The following ATF6 variants were observed in gnomAD, a reference collection of about 807,000 sequenced individuals.
ATF6 encodes cyclic AMP-dependent transcription factor ATF-6 alpha.
In ATF6, 53 loss-of-function variants were observed where a neutral mutation model predicts 83.6. That is an observed-to-expected ratio of 0.63 (90% CI 0.51 to 0.80). The LOEUF is 0.80. Among genes scored for constraint, ATF6 ranks in the 30% least tolerant of loss-of-function variants. The probability of loss-of-function intolerance (pLI) is 0.00; values close to 1 mark genes in which losing one functional copy is unlikely to be tolerated. For missense variants in ATF6, 744 were observed against 797.9 expected (o/e 0.93, Z 0.81); for synonymous variants, 288 against 285.8 (o/e 1.01, Z -0.08).
intron 4 of ATF6, among the ~76,000 whole-genome samples, chr1:161,785,517 G>GTTTC (rs1350731960): frequency 6.6e-6 from 1 of 152,038 alleles, no homozygotes; most frequent in Admixed American, 6.5e-5. Flanking sequence ...GCTACATAAT[G>GTTTC]TTTCATTGCA....
chr1:161,781,891 T>C (rs886878754), intron 2 of ATF6, 21 bp from the exon 3 acceptor site: 1 of 1,484,444 alleles, frequency 6.7e-7, no homozygotes, highest in Non-Finnish European at 9.3e-7. Flanking sequence ...TAATATTCTT[T>C]TGCTGATTTG....
At chr1:161,939,842 T>A (rs546583089) in intron 15 of ATF6, among the ~76,000 whole-genome samples, 1 of 152,216 alleles carries the variant, frequency 6.6e-6, no homozygotes, top group African/African-American at 2.4e-5. Flanking sequence ...TTAGGAAATA[T>A]AGTCTTTAGG....
At position 161,784,083 on chromosome 1, in the gene ATF6, C is replaced by A; in HGVS notation, c.341C>A (p.Thr114Asn). The part of the protein sequence containing the change: ...SPRSVDSYSS[T>N]QHVPEELDLS... ...CGGTCAGTGGACTCTTATTCTTCAA[C>A]TCAGCATGTTCCTGTGAGTAGCCAG... The change falls in exon 4 of 16, where the codon ACT becomes AAT. Residue 114 changes from threonine (T) to asparagine (N), a missense_variant. Coordinates refer to ENST00000367942, the MANE Select transcript of ATF6 (RefSeq NM_007348.4). 1 of 1,611,132 alleles carries A rather than the reference C, an allele frequency of 6.2e-7. No homozygotes were observed. The highest frequency in any genetic ancestry group is 8.5e-7 in the Non-Finnish European group (1 of 1,177,608).
intron 14 of ATF6, among the ~76,000 whole-genome samples, chr1:161,906,115 G>A (rs1558019420): frequency 6.6e-6 from 1 of 152,200 alleles, no homozygotes; most frequent in Admixed American, 6.5e-5. Flanking sequence ...TTATAGGCGT[G>A]AGCCACTGCG....
chr1:161,943,181 C>G (rs1392203798), intron 15 of ATF6, among the ~76,000 whole-genome samples: 1 of 152,092 alleles, frequency 6.6e-6, no homozygotes, highest in African/African-American at 2.4e-5. Flanking sequence ...ATTATAATTC[C>G]CACATGTCAA....
intron 7 of ATF6, among the ~76,000 whole-genome samples, chr1:161,808,715 C>A (rs1685365891): frequency 6.6e-6 from 1 of 151,678 alleles, no homozygotes; most frequent in Admixed American, 6.6e-5. Flanking sequence ...TAGATGTGTG[C>A]CACCTGGCTA....
At chr1:161,944,960 T>C (rs1366406594) in intron 15 of ATF6, among the ~76,000 whole-genome samples, 1 of 151,256 alleles carries the variant, frequency 6.6e-6, no homozygotes, top group Non-Finnish European at 1.5e-5. Flanking sequence ...ATGCAGTGTT[T>C]GGCATTGTAT....
intron 15 of ATF6, among the ~76,000 whole-genome samples, chr1:161,944,094 A>C (rs1172929911): frequency 6.6e-6 from 1 of 152,210 alleles, no homozygotes; most frequent in African/African-American, 2.4e-5. Flanking sequence ...GTATAGCAGC[A>C]TCAAAGCTAA....
chr1:161,916,261 C>T (rs904842262), intron 15 of ATF6, among the ~76,000 whole-genome samples: 5 of 152,098 alleles, frequency 3.3e-5, no homozygotes, highest in African/African-American at 1.2e-4. Flanking sequence ...TTTTAGTCCA[C>T]CCAATTCTTA....
At chr1:161,820,670 C>G (rs980629338) in intron 8 of ATF6, among the ~76,000 whole-genome samples, 2 of 152,072 alleles carry the variant, frequency 1.3e-5, no homozygotes, top group African/African-American at 4.8e-5. Context: ...ATCGCTTGAA[C>G]CTGGGAGGCG....
intron 7 of ATF6, among the ~76,000 whole-genome samples, chr1:161,810,663 C>G (rs1262754830): frequency 6.6e-6 from 1 of 151,982 alleles, no homozygotes; most frequent in African/African-American, 2.4e-5. Context: ...AAGGATCACC[C>G]TTTTGAACTG....
At chr1:161,806,600 C>T (rs900917146) in intron 7 of ATF6, among the ~76,000 whole-genome samples, 11 of 152,124 alleles carry the variant, frequency 7.2e-5, no homozygotes, top group African/African-American at 2.7e-4. Flanking sequence ...TGTTAGGAGT[C>T]TCCTTCCTTC....
chr1:161,902,563 T>C (rs1041612244), intron 14 of ATF6, among the ~76,000 whole-genome samples: 1 of 152,206 alleles, frequency 6.6e-6, no homozygotes, highest in Non-Finnish European at 1.5e-5. Flanking sequence ...GCAAAAAGGC[T>C]TGAAAATAGT....
intron 15 of ATF6, among the ~76,000 whole-genome samples, chr1:161,938,758 G>A (rs1197522809): frequency 6.6e-6 from 1 of 152,142 alleles, no homozygotes; most frequent in East Asian, 1.9e-4. Flanking sequence ...AAGAAGGTGA[G>A]TTTCTATTAT....
intron 14 of ATF6, among the ~76,000 whole-genome samples, chr1:161,873,326 G>C (rs1357580444): frequency 6.6e-6 from 1 of 151,392 alleles, no homozygotes; most frequent in African/African-American, 2.4e-5. Flanking sequence ...CATTAAGTTA[G>C]AAAACTAGCA....
chr1:161,800,114 A>G (rs1685108759), intron 6 of ATF6, among the ~76,000 whole-genome samples: 1 of 152,168 alleles, frequency 6.6e-6, no homozygotes, highest in African/African-American at 2.4e-5. Flanking sequence ...AAAATTTTTA[A>G]TAGATTAGTG....
At chr1:161,854,445 C>T (rs774750581) in intron 12 of ATF6, among the ~76,000 whole-genome samples, 8 of 152,220 alleles carry the variant, frequency 5.3e-5, no homozygotes, top group Non-Finnish European at 1.2e-4. Flanking sequence ...GGCTAAAACT[C>T]TGTCACTTTG....
intron 9 of ATF6, among the ~76,000 whole-genome samples, chr1:161,827,502 A>T (rs1685932603): frequency 1.3e-5 from 2 of 152,224 alleles, no homozygotes; most frequent in Non-Finnish European, 2.9e-5. Flanking sequence ...ACAAATAGAC[A>T]TTTGAATCAG....
chr1:161,766,410 C>G lies in ATF6; in HGVS notation c.50C>G (p.Pro17Arg). The change falls in exon 1 of 16, where the codon CCG (proline) becomes CGG (arginine). Residue 17 changes from proline (P) to arginine (R), a missense_variant. By Grantham distance (103) the Pro-to-Arg change is moderately radical. Coordinates refer to ENST00000367942, the MANE Select transcript of ATF6 (RefSeq NM_007348.4). ...VAGTMESPFS[P>R]GLFHRLDEDW... The stretch of plus-strand genomic sequence containing the variant: ...GGCACCATGGAGTCACCTTTTAGCC[C>G]GGGACTCTTTCACAGGCTGGATGAA... 6.2e-7 allele frequency: 1 copy of G among 1,613,344 alleles called. No homozygotes were observed. Among genetic ancestry groups the G allele is most frequent in the Non-Finnish European group, 8.5e-7 (1 of 1,179,654 alleles).
Sources: allele counts gnomAD v4.1 joint callset (sites outside exome capture counted in the v4.1 genomes callset), GRCh38; gene constraint gnomAD v4.1.1; transcripts MANE v1.5; gene names NCBI Gene and HGNC (gene_info 2026-07-23, HGNC 2026-07-21).